IPO11: variants seen among roughly 807,000 people sequenced by gnomAD.
IPO11 encodes the protein importin 11.
A neutral mutation model predicts 143.2 loss-of-function variants in IPO11; 66 were observed. The observed-to-expected ratio is 0.46, with a 90% CI of 0.38 to 0.57. The LOEUF is 0.57. IPO11 is among the 20% of genes least tolerant of loss of function. The pLI, the probability that IPO11 is intolerant of heterozygous loss-of-function variation, is 0.00. For missense variants in IPO11, 1,026 were observed against 1,141.0 expected, an observed-to-expected ratio of 0.90 and a Z score of 1.45; for synonymous variants, 385 against 377.8, an observed-to-expected ratio of 1.02 and a Z score of -0.22.
At chr5:62,586,485 T>C (rs1744776563) in intron 27 of IPO11, among the ~76,000 whole-genome samples, 2 of 152,068 alleles carry the variant, frequency 1.3e-5, no homozygotes, top group African/African-American at 4.8e-5. Context: ...TTTGGTAACA[T>C]GAACAGAGTT....
intron 28 of IPO11, among the ~76,000 whole-genome samples, chr5:62,594,273 T>A (rs140766031): frequency 1.2e-3 from 184 of 152,306 alleles, no homozygotes; most frequent in Non-Finnish European, 1.7e-3. Context: ...ATCAGCAAGC[T>A]TAGGACCCAT....
chr5:62,489,434 G>A (rs1746526319), intron 14 of IPO11, 85 bp downstream of exon 14: 4 of 927,806 alleles, frequency 4.3e-6, no homozygotes, highest in East Asian at 2.8e-5. Flanking sequence ...TGCTGAGGGT[G>A]TTGAGATACA....
chr5:62,420,865 G>C (rs1743492166), intron 1 of IPO11, among the ~76,000 whole-genome samples: 2 of 152,212 alleles, frequency 1.3e-5, no homozygotes, highest in Admixed American at 1.3e-4. Flanking sequence ...ACAGGCGTGA[G>C]CCGCCATTTT....
chr5:62,613,525 A>T (rs188389486), intron 29 of IPO11, among the ~76,000 whole-genome samples: 9 of 149,510 alleles, frequency 6.0e-5, no homozygotes, highest in Admixed American at 4.7e-4. Context: ...CTCGTCTTGA[A>T]CTCCCAAGCT....
intron 27 of IPO11, chr5:62,581,399 T>A: frequency 1.1e-6 from 1 of 941,220 alleles, no homozygotes; most frequent in Non-Finnish European, 1.5e-6. Flanking sequence ...TAGTTGGAAA[T>A]ATAATGAATT....
chr5:62,507,914 G>T (rs555056387), intron 19 of IPO11, among the ~76,000 whole-genome samples: 8 of 152,202 alleles, frequency 5.3e-5, no homozygotes, highest in Admixed American at 2.0e-4. Flanking sequence ...TAACAATAAG[G>T]TATAGTTATT....
At chr5:62,573,649 A>C (rs1325419893) in intron 27 of IPO11, among the ~76,000 whole-genome samples, 6 of 152,228 alleles carry the variant, frequency 3.9e-5, no homozygotes, top group African/African-American at 1.4e-4. Flanking sequence ...AATCCAAGCT[A>C]TAAGATGTTT....
intron 27 of IPO11, among the ~76,000 whole-genome samples, chr5:62,585,549 A>G (rs990072813): frequency 2.6e-5 from 4 of 152,188 alleles, no homozygotes; most frequent in Non-Finnish European, 5.9e-5. Flanking sequence ...ACCAGGTCAT[A>G]TATAGGGCTG....
At chr5:62,439,035 G>T (rs1458389548) in intron 2 of IPO11, among the ~76,000 whole-genome samples, 1 of 149,524 alleles carries the variant, frequency 6.7e-6, no homozygotes, top group Non-Finnish European at 1.5e-5. Context: ...TTCCAACCTG[G>T]GCGACAGAGT....
chr5:62,555,276 T>C (rs1375768909), intron 26 of IPO11, among the ~76,000 whole-genome samples: 4 of 151,680 alleles, frequency 2.6e-5, no homozygotes, highest in Admixed American at 1.3e-4. Context: ...GTATTTTTTT[T>C]TTACTTTTTT....
chr5:62,572,862 T>G (rs1744185708), intron 27 of IPO11, among the ~76,000 whole-genome samples: 1 of 152,148 alleles, frequency 6.6e-6, no homozygotes, highest in Admixed American at 6.5e-5. Context: ...GGATTGCAGG[T>G]GGGAGCCACT....
chr5:62,437,486 C>G (rs1744282764), intron 2 of IPO11, 69 bp downstream of exon 2: 2 of 1,358,876 alleles, frequency 1.5e-6, no homozygotes, highest in Non-Finnish European at 2.0e-6. Context: ...GTTTTAAAAC[C>G]CTAGTTTTAT....
At position 62,487,809 on chromosome 5, in the gene IPO11, A is replaced by G. The variant is rs1203643886; in HGVS notation, c.1257A>G (p.Glu419=). Residue 419 remains glutamate, a synonymous_variant, in exon 13 of 30, where the codon GAA becomes GAG. Transcript: ENST00000325324. ...TATTATTTATAGATATATTCCATGAATATAATCAGACTCTTACTCCTGTAC... is the reference window on the plus strand; with the variant it reads ...TATTATTTATAGATATATTCCATGAGTATAATCAGACTCTTACTCCTGTAC... ...TEVLFIDIFH[E]YNQTLTPVLL... 2.5e-6 allele frequency: 4 copies of G among 1,609,234 alleles called. No homozygotes were observed. Among genetic ancestry groups the G allele is most frequent in the Non-Finnish European group, 3.4e-6 (4 of 1,178,684 alleles).
chr5:62,424,343 G>T (rs1364109233), intron 1 of IPO11, among the ~76,000 whole-genome samples: 2 of 152,066 alleles, frequency 1.3e-5, no homozygotes, highest in African/African-American at 4.8e-5. Flanking sequence ...GTTTCACCAT[G>T]TTAGCCAAGA....
At chr5:62,611,099 A>G (rs1745912146) in intron 29 of IPO11, among the ~76,000 whole-genome samples, 5 of 152,212 alleles carry the variant, frequency 3.3e-5, no homozygotes, top group Admixed American at 2.6e-4. Context: ...TGTAGGACAT[A>G]TAACTTTACC....
At chr5:62,585,736 A>G (rs1415265270) in intron 27 of IPO11, among the ~76,000 whole-genome samples, 1 of 152,178 alleles carries the variant, frequency 6.6e-6, no homozygotes, top group Non-Finnish European at 1.5e-5. Context: ...TTGGAAAGGT[A>G]GGCAGTAGTT....
intron 5 of IPO11, among the ~76,000 whole-genome samples, 166 bp from the exon 6 acceptor site, chr5:62,466,965 G>A (rs1745594406): frequency 6.6e-6 from 1 of 152,204 alleles, no homozygotes; most frequent in African/African-American, 2.4e-5. Context: ...ACTGTGCATT[G>A]TGGCTAAAAA....
In IPO11 at chr5:62,550,530, A is replaced by G. The variant is rs1474361585; in HGVS notation, c.2346+68A>G. ...GGATTCTAGTTTTAATTACTCTGTT[A>G]GATACAGAAGGAAAGCTTTTCTTGT... is the stretch of plus-strand genomic sequence containing the variant. On this transcript the variant is annotated intron_variant, in intron 25 of 29. Transcript: ENST00000325324. 4.0e-6 allele frequency: 4 copies of G among 1,007,584 alleles called. No homozygotes were observed. The African/African-American group carries it at 4.9e-5, about 12-fold the overall frequency. 62.4% of individuals were successfully genotyped at this position (1,007,584 alleles called of 1,614,324 possible). A position where few individuals can be genotyped will look rare whatever the true frequency, so the allele number is the denominator to read the frequency against.
At chr5:62,625,594 T>G (rs1254929843) in intron 29 of IPO11, among the ~76,000 whole-genome samples, 1 of 152,226 alleles carries the variant, frequency 6.6e-6, no homozygotes, top group Non-Finnish European at 1.5e-5. Context: ...ATCACATACT[T>G]TCTTAGAAGC....
Sources: gnomAD v4.1 joint callset for allele counts (sites outside exome capture counted in the v4.1 genomes callset) on GRCh38, gnomAD v4.1.1 for gene constraint, MANE v1.5 for transcripts, NCBI Gene and HGNC (gene_info 2026-07-23, HGNC 2026-07-21) for gene names.